Variants in PGAP1 observed in about 807,000 individuals in gnomAD.
PGAP1 encodes GPI inositol-deacylase.
In PGAP1, 76 loss-of-function variants were observed where a neutral mutation model predicts 127.0. The observed-to-expected ratio is 0.60, with a 90% CI of 0.50 to 0.72. PGAP1 has a LOEUF of 0.72. Among genes scored for constraint, PGAP1 ranks in the 30% least tolerant of loss-of-function variants. The probability of loss-of-function intolerance (pLI) is 0.00; values close to 1 mark genes in which losing one functional copy is unlikely to be tolerated. For synonymous variants in PGAP1, 362 were observed against 366.5 expected, an observed-to-expected ratio of 0.99 and a Z score of 0.14; for missense variants, 982 against 1,071.3, an observed-to-expected ratio of 0.92 and a Z score of 1.16.
intron 22 of PGAP1, 76 bp downstream of exon 22, chr2:196,846,927 T>A: frequency 8.1e-7 from 1 of 1,228,600 alleles, no homozygotes; most frequent in Non-Finnish European, 1.1e-6. Context: ...GTAAAAATAA[T>A]TAATTTCAGG....
At position 196,844,005 on chromosome 2, in the gene PGAP1, C is replaced by T. The variant is rs745554603; in HGVS notation, c.2408G>A (p.Arg803His). 2.7e-5 allele frequency: 44 copies of T among 1,608,132 alleles called. No homozygotes were observed. The Middle Eastern group carries it at 1.2e-3, about 42-fold the overall frequency. ...HHKDSSIHHL[R>H]LSANDAEDSL... ...ATCTTCAGCATCGTTGGCAGATAAA[C>T]GAAGATGGTGTATTGAGGAGTCTTT... Residue 803 changes from arginine (R) to histidine (H), a missense_variant, in exon 25 of 27, where the codon CGT becomes CAT. Arg to His is a conservative substitution (Grantham distance 29, BLOSUM62 0). Transcript: ENST00000354764.
chr2:196,884,455 T>C (rs1701832460), intron 12 of PGAP1, among the ~76,000 whole-genome samples: 2 of 152,178 alleles, frequency 1.3e-5, no homozygotes, highest in Non-Finnish European at 2.9e-5. Flanking sequence ...ACAAATAAGA[T>C]TGACCAAGGT....
In PGAP1 at chr2:196,872,562, C is replaced by G; in HGVS notation, c.1620-13G>C. 10 of 1,543,814 alleles carry G rather than the reference C, an allele frequency of 6.5e-6. No individual in the cohort carries two copies. Among genetic ancestry groups the G allele is most frequent in the Non-Finnish European group, 9.0e-6 (10 of 1,116,754 alleles). On this transcript the variant is annotated splice_polypyrimidine_tract_variant and intron_variant, in intron 17 of 26. Coordinates refer to ENST00000354764, the MANE Select transcript of PGAP1 (RefSeq NM_024989.4). ...GGAAGATGGAGCCCTGAAGAGATAACTTAAATATCAATTCTCAAATACAAA... is the reference window on the plus strand; with the variant it reads ...GGAAGATGGAGCCCTGAAGAGATAAGTTAAATATCAATTCTCAAATACAAA...
chr2:196,893,454 A>G (rs1357617775), intron 7 of PGAP1, among the ~76,000 whole-genome samples: 2 of 152,228 alleles, frequency 1.3e-5, no homozygotes, highest in Non-Finnish European at 2.9e-5. Flanking sequence ...AAACTAAAGC[A>G]CAGAGAAATT....
At chr2:196,887,124 A>C (rs1265534017) in intron 10 of PGAP1, among the ~76,000 whole-genome samples, 3 of 152,158 alleles carry the variant, frequency 2.0e-5, no homozygotes, top group South Asian at 2.1e-4. Context: ...GTCAATTAAA[A>C]GCAGTGTGAC....
chr2:196,902,996 G>C (rs1702546640), intron 4 of PGAP1, among the ~76,000 whole-genome samples: 1 of 151,806 alleles, frequency 6.6e-6, no homozygotes, highest in Non-Finnish European at 1.5e-5. Flanking sequence ...AATTTTACTA[G>C]CTTTGGATCC....
intron 10 of PGAP1, among the ~76,000 whole-genome samples, chr2:196,887,323 G>A (rs1342914426): frequency 6.6e-6 from 1 of 152,156 alleles, no homozygotes; most frequent in Admixed American, 6.5e-5. Flanking sequence ...GGCGGAGCTT[G>A]CAGTGAGCCG....
At chr2:196,882,615 T>C (rs529351678) in intron 12 of PGAP1, among the ~76,000 whole-genome samples, 2 of 152,214 alleles carry the variant, frequency 1.3e-5, no homozygotes, top group African/African-American at 2.4e-5. Context: ...TTTGGCAATA[T>C]TGGATGGAAC....
chr2:196,926,573 A>G lies in PGAP1; in HGVS notation c.44T>C (p.Val15Ala), dbSNP rs373419311. 63 of 1,614,002 alleles carry G rather than the reference A, an allele frequency of 3.9e-5. No homozygotes were observed. Among genetic ancestry groups the G allele is most frequent in the Non-Finnish European group, 5.2e-5 (61 of 1,180,006 alleles). The change falls in exon 1 of 27, where the codon GTC (valine) becomes GCC (alanine). Residue 15 changes from valine to alanine, a missense_variant. Transcript: ENST00000354764. ...CAGGGTTGCCAGAAAGACCATGAAG[A>G]CATAAAACGCCAGGTTCCAGAGATT... is the stretch of plus-strand genomic sequence containing the variant. The part of the protein sequence containing the change: ...SVNLWNLAFY[V>A]FMVFLATLGL...
At position 196,842,809 on chromosome 2, in the gene PGAP1, T is replaced by A. The variant is rs1413943002; in HGVS notation, c.2542A>T (p.Asn848Tyr). ...GCCAAAGGTTTACATGGATCAGGAT[T>A]AAGTTTAAAATAATACCTATAATAT... ...LKNLRYYFKL[N>Y]PDPCKPLAFI... The change falls in exon 26 of 27, where the codon AAT becomes TAT. Residue 848 changes from asparagine to tyrosine, a missense_variant. Physicochemically the swap from Asn to Tyr is moderately radical, Grantham distance 143 (BLOSUM62 -2). Coordinates refer to ENST00000354764, the MANE Select transcript of PGAP1 (RefSeq NM_024989.4). 6.5e-7 allele frequency: 1 copy of A among 1,548,108 alleles called. No homozygotes were observed. The highest frequency in any genetic ancestry group is 1.8e-5 in the Admixed American group (1 of 54,224).
intron 20 of PGAP1, among the ~76,000 whole-genome samples, chr2:196,864,192 C>A (rs890251434): frequency 6.6e-6 from 1 of 151,602 alleles, no homozygotes; most frequent in Non-Finnish European, 1.5e-5. Flanking sequence ...GAGTTCAAGA[C>A]CAGCCTGGCC....
intron 12 of PGAP1, among the ~76,000 whole-genome samples, chr2:196,880,715 T>C (rs1011252767): frequency 1.3e-5 from 2 of 152,190 alleles, no homozygotes; most frequent in African/African-American, 4.8e-5. Context: ...TATGTCTAAA[T>C]AATGCACCTC....
chr2:196,863,135 C>T (rs979275528), intron 20 of PGAP1, among the ~76,000 whole-genome samples: 9 of 152,116 alleles, frequency 5.9e-5, no homozygotes, highest in Non-Finnish European at 1.2e-4. Flanking sequence ...TAAATTAGTA[C>T]AGCCATTATG....
At chr2:196,890,751 T>G (rs1012123930) in intron 10 of PGAP1, 77 bp downstream of exon 10, 23 of 766,846 alleles carry the variant, frequency 3.0e-5, no homozygotes, top group Non-Finnish European at 5.1e-5. Flanking sequence ...ATTTCATAGC[T>G]AGGTCTACCA....
In PGAP1 at chr2:196,840,446, C is replaced by G. The variant is rs751547802; in HGVS notation, c.*788G>C. On this transcript the variant is annotated 3_prime_UTR_variant, in exon 27 of 27. Coordinates refer to ENST00000354764, the MANE Select transcript of PGAP1 (RefSeq NM_024989.4). Reference sequence around the variant, plus strand: ...GAATCCAATGGTATAAACTAAACAACTGAACTGCTCCAATACCAGGAAGCA... The same window carrying G: ...GAATCCAATGGTATAAACTAAACAAGTGAACTGCTCCAATACCAGGAAGCA... 1 of 152,106 alleles carries G rather than the reference C, an allele frequency of 6.6e-6. No individual in the cohort carries two copies. The highest frequency in any genetic ancestry group is 1.5e-5 in the Non-Finnish European group (1 of 68,000). The allele number at this position is 152,106 out of a possible 1,614,324, so 9.4% of individuals were successfully genotyped here. A position where few individuals can be genotyped will look rare whatever the true frequency, so the allele number is the denominator to read the frequency against.
chr2:196,895,649 G>C (rs1309816733), intron 7 of PGAP1, among the ~76,000 whole-genome samples: 7 of 152,164 alleles, frequency 4.6e-5, no homozygotes. Flanking sequence ...TGGACCTTCA[G>C]GAGAGAGCTA....
rs1385566686 is a variant in PGAP1, at chr2:196,870,935, T to A, written c.1767+6A>T. On this transcript the variant is annotated splice_donor_region_variant and intron_variant, in intron 19 of 26. Coordinates refer to ENST00000354764, the MANE Select transcript of PGAP1 (RefSeq NM_024989.4). ...AAATAATCAACCAGCCAGGAATCTC[T>A]CTTACCTGTCCAAGTATTTGTGAAA... The A allele has an allele frequency of 1.2e-6, 2 of 1,605,004 alleles. No individual in the cohort carries two copies. Among genetic ancestry groups the A allele is most frequent in the Non-Finnish European group, 1.7e-6 (2 of 1,172,414 alleles).
At chr2:196,897,423 C>A (rs934295202) in intron 6 of PGAP1, among the ~76,000 whole-genome samples, 4 of 152,232 alleles carry the variant, frequency 2.6e-5, no homozygotes, top group Non-Finnish European at 4.4e-5. Flanking sequence ...TTTTCAGGGT[C>A]CTTCTGTTTT....
rs917000411 is a variant in PGAP1 at position 196,837,100 on chromosome 2, T to C, written c.*4134A>G. The C allele has an allele frequency of 1.3e-5, 2 of 152,218 alleles. No homozygotes were observed. 9.4% of individuals were successfully genotyped at this position (152,218 alleles called of 1,614,324 possible). A position where few individuals can be genotyped will look rare whatever the true frequency, so the allele number is the denominator to read the frequency against. On this transcript the variant is annotated 3_prime_UTR_variant, in exon 27 of 27. Coordinates refer to ENST00000354764, the MANE Select transcript of PGAP1 (RefSeq NM_024989.4). ...TAATAATGCAAGACATTATGCTAAT[T>C]TGGACCTAACACCTAAAATGAAAAT...
Sources: allele counts gnomAD v4.1 joint callset (sites outside exome capture counted in the v4.1 genomes callset), GRCh38; gene constraint gnomAD v4.1.1; transcripts MANE v1.5; gene names NCBI Gene and HGNC (gene_info 2026-07-23, HGNC 2026-07-21).